The following SLC46A1 variants were observed in gnomAD, a reference collection of about 807,000 sequenced individuals.
SLC46A1 encodes the protein proton-coupled folate transporter.
SLC46A1 carries 17 observed loss-of-function variants against 32.1 expected under a neutral mutation model. That is an observed-to-expected ratio of 0.53 (90% CI 0.36 to 0.79). SLC46A1 has a LOEUF of 0.79. Among genes scored for constraint, SLC46A1 ranks in the 30% least tolerant of loss-of-function variants. The pLI is 0.00. For missense variants in SLC46A1, 517 were observed against 588.2 expected, an observed-to-expected ratio of 0.88 and a Z score of 1.25; for synonymous variants, 240 against 262.7, an observed-to-expected ratio of 0.91 and a Z score of 0.84.
Position 28,395,874 on chromosome 17 carries a change from G to T in SLC46A1, c.*3782C>A. ...ACAAGGGTCCCTAGATGGGTACAGG[G>T]GTATCTTCCTCCTTTCCTTTCTTTC... On this transcript the variant is annotated 3_prime_UTR_variant, in exon 5 of 5. Transcript: ENST00000612814. 1.9e-6 allele frequency: 3 copies of T among 1,611,826 alleles called. No homozygotes were observed. Among genetic ancestry groups the T allele is most frequent in the Non-Finnish European group, 2.5e-6 (3 of 1,179,792 alleles).
chr17:28,399,816 C>T, intron 4 of SLC46A1, 103 bp from the exon 5 acceptor site: 1 of 1,158,772 alleles, frequency 8.6e-7, no homozygotes, highest in Non-Finnish European at 1.3e-6. Flanking sequence ...GTCCAGGTAG[C>T]TCTCCTGAAC....
Position 28,404,787 on chromosome 17 carries a change from T to A in SLC46A1, c.910A>T (p.Ile304Phe). 1 of 1,613,856 alleles carries A rather than the reference T, an allele frequency of 6.2e-7. No homozygotes were observed. Among genetic ancestry groups the A allele is most frequent in the Non-Finnish European group, 8.5e-7 (1 of 1,179,854 alleles). ...TGCTGAGCTGCAGAACCATAGCCGA[T>A]TAGTTTGGAGTCCCAGCAGAGGGGT... ...STPLCWDSKL[I>F]GYGSAAQHLP... Residue 304 changes from isoleucine (I) to phenylalanine (F), a missense_variant, in exon 2 of 5, where the codon ATC becomes TTC. Coordinates refer to ENST00000612814, the MANE Select transcript of SLC46A1 (RefSeq NM_080669.6).
Position 28,395,702 on chromosome 17 carries a change from T to A in SLC46A1, c.*3954A>T. 1 of 571,066 alleles carries A rather than the reference T, an allele frequency of 1.8e-6. No homozygotes were observed. Among genetic ancestry groups the A allele is most frequent in the Non-Finnish European group, 3.1e-6 (1 of 322,308 alleles). 35.4% of individuals were successfully genotyped at this position (571,066 alleles called of 1,614,324 possible). On this transcript the variant is annotated 3_prime_UTR_variant, in exon 5 of 5. Transcript: ENST00000612814. ...AAGAGATTCCAAGGGTTTTAGCAGC[T>A]CTGTGCCAGGAACTCTGGGCAAAGG...
chr17:28,406,220 C>A, upstream of SLC46A1: 1 of 847,166 alleles, frequency 1.2e-6, no homozygotes, highest in Non-Finnish European at 1.6e-6. This position sits in a 1 kb window ranked among gnomAD's most constrained non-coding sequence, Gnocchi z 4.5. Context: ...TCTGCGCCTG[C>A]GCCCGGCGTC....
At position 28,405,239 on chromosome 17, in the gene SLC46A1, A is replaced by G; in HGVS notation, c.458T>C (p.Leu153Pro). ...YFVLGRILCA[L>P]LGDFGGLLAA... ...CAGAAGGCCACCGAAGTCGCCGAGGAGGGCACAAAGGATGCGACCCAGCAC... is the reference window on the plus strand; with the variant it reads ...CAGAAGGCCACCGAAGTCGCCGAGGGGGGCACAAAGGATGCGACCCAGCAC... The change falls in exon 2 of 5, where the codon CTC (leucine) becomes CCC (proline). Residue 153 changes from leucine to proline, a missense_variant. Leu to Pro is a moderately conservative substitution (Grantham distance 98). Coordinates refer to ENST00000612814, the MANE Select transcript of SLC46A1 (RefSeq NM_080669.6). 6.3e-7 allele frequency: 1 copy of G among 1,590,188 alleles called. No homozygotes were observed. The highest frequency in any genetic ancestry group is 8.6e-7 in the Non-Finnish European group (1 of 1,168,866).
At chr17:28,400,566 A>G (rs782259423) in intron 4 of SLC46A1, 44 bp downstream of exon 4, 2 of 1,607,672 alleles carry the variant, frequency 1.2e-6, no homozygotes, top group South Asian at 2.2e-5. Flanking sequence ...AACTTTTAAG[A>G]GAAAGGGCTC....
Position 28,404,820 on chromosome 17 carries a change from G to A in SLC46A1, c.877C>T (p.Leu293=), listed in dbSNP as rs376504291. Residue 293 remains leucine (L), a synonymous_variant, in exon 2 of 5, where the codon CTA becomes TTA. Coordinates refer to ENST00000612814, the MANE Select transcript of SLC46A1 (RefSeq NM_080669.6). ...GAGTCCCAGCAGAGGGGTGTGCTTA[G>A]TTCATAAAGGGTTAAGATGTCCTGG... is the stretch of plus-strand genomic sequence containing the variant. ...GAQDILTLYE[L]STPLCWDSKL... The A allele has an allele frequency of 9.9e-6, 16 of 1,614,008 alleles. No individual in the cohort carries two copies. Among genetic ancestry groups the A allele is most frequent in the Non-Finnish European group, 1.2e-5 (14 of 1,179,898 alleles).
chr17:28,395,659 C>CAA lies in SLC46A1; in HGVS notation c.*3995_*3996dup. 2.1e-6 allele frequency: 1 copy of CAA among 470,908 alleles called. No individual in the cohort carries two copies. The highest frequency in any genetic ancestry group is 3.9e-6 in the Non-Finnish European group (1 of 259,416). 29.2% of individuals were successfully genotyped at this position (470,908 alleles called of 1,614,324 possible). ...AGTGGGGAATCATCTCTTTAGCATA[C>CAA]AAAGACACTCATCACTCAAGAGATT... is the stretch of plus-strand genomic sequence containing the variant. On this transcript the variant is annotated 3_prime_UTR_variant, in exon 5 of 5. Transcript: ENST00000612814.
chr17:28,401,940 T>C (rs1425038418), intron 3 of SLC46A1: 1 of 232,738 alleles, frequency 4.3e-6, no homozygotes, highest in Non-Finnish European at 8.4e-6. Context: ...ACCACACCCA[T>C]CTTACAGACG....
At position 28,397,170 on chromosome 17, in the gene SLC46A1, A is replaced by G. The variant is rs537647948; in HGVS notation, c.*2486T>C. The G allele has an allele frequency of 6.5e-6, 1 of 152,936 alleles. No homozygotes were observed. Among genetic ancestry groups the G allele is most frequent in the East Asian group, 1.9e-4 (1 of 5,198 alleles). The allele number at this position is 152,936 out of a possible 1,614,324, so 9.5% of individuals were successfully genotyped here. A position where few individuals can be genotyped will look rare whatever the true frequency, so the allele number is the denominator to read the frequency against. ...GGGACCAGGCAGCCCCCATGGCAGTAAAAGCAGCCTAGACAGAACCTGCAG... is the reference window on the plus strand; with the variant it reads ...GGGACCAGGCAGCCCCCATGGCAGTGAAAGCAGCCTAGACAGAACCTGCAG... On this transcript the variant is annotated 3_prime_UTR_variant, in exon 5 of 5. Coordinates refer to ENST00000612814, the MANE Select transcript of SLC46A1 (RefSeq NM_080669.6).
At chr17:28,404,537 C>T in intron 2 of SLC46A1, 79 bp downstream of exon 2, 1 of 1,553,154 alleles carries the variant, frequency 6.4e-7, no homozygotes, top group East Asian at 2.3e-5. Flanking sequence ...TGAACCACAT[C>T]TGGGGGCAGT....
In SLC46A1 at chr17:28,399,538, G is replaced by C; in HGVS notation, c.*118C>G. ...CTCTTGACTACCTCGTCCAAAGAGA[G>C]CACTGCCCTTAGACAAGAGTTGCTT... is the stretch of plus-strand genomic sequence containing the variant. On this transcript the variant is annotated 3_prime_UTR_variant, in exon 5 of 5. Transcript: ENST00000612814. 9.9e-7 allele frequency: 1 copy of C among 1,011,190 alleles called. No individual in the cohort carries two copies. Among genetic ancestry groups the C allele is most frequent in the Non-Finnish European group, 1.5e-6 (1 of 659,112 alleles). 62.6% of individuals were successfully genotyped at this position (1,011,190 alleles called of 1,614,324 possible). A position where few individuals can be genotyped will look rare whatever the true frequency, so the allele number is the denominator to read the frequency against.
At chr17:28,402,384 G>T in intron 2 of SLC46A1, 63 bp from the exon 3 acceptor site, 1 of 1,408,798 alleles carries the variant, frequency 7.1e-7, no homozygotes, top group Non-Finnish European at 9.9e-7. Context: ...CAAGGGAAAG[G>T]CAGCAGAGCT....
chr17:28,397,959 T>G lies in SLC46A1; in HGVS notation c.*1697A>C, dbSNP rs2068151093. 6.6e-6 allele frequency: 1 copy of G among 152,596 alleles called. No individual in the cohort carries two copies. Among genetic ancestry groups the G allele is most frequent in the African/African-American group, 2.4e-5 (1 of 41,464 alleles). 9.5% of individuals were successfully genotyped at this position (152,596 alleles called of 1,614,324 possible). On this transcript the variant is annotated 3_prime_UTR_variant, in exon 5 of 5. Coordinates refer to ENST00000612814, the MANE Select transcript of SLC46A1 (RefSeq NM_080669.6). ...GTCTCACTCCAGGTTTGGGGCTCCT[T>G]CCTTCCACTCCCCTCCCTGCCAGAG...
chr17:28,405,735 G>A (rs2068252566), intron 1 of SLC46A1, 152 bp downstream of exon 1: 1 of 1,024,470 alleles, frequency 9.8e-7, no homozygotes, highest in Non-Finnish European at 1.4e-6. Flanking sequence ...GAGGTTCTCG[G>A]TCAGGCCCCT....
At chr17:28,399,819 T>G in intron 4 of SLC46A1, 106 bp from the exon 5 acceptor site, 2 of 1,058,390 alleles carry the variant, frequency 1.9e-6, no homozygotes, top group South Asian at 1.3e-5. Context: ...CAGGTAGCTC[T>G]CCTGAACCTC....
Position 28,406,107 on chromosome 17 carries a change from C to G in SLC46A1, c.8G>C (p.Gly3Ala). Residue 3 changes from glycine to alanine, a missense_variant, in exon 1 of 5, where the codon GGG becomes GCG. Transcript: ENST00000612814. The surrounding 1 kb of genome is among the most constrained non-coding windows in gnomAD (Gnocchi z 4.5). ...GGGCTTTTCCGGGGGGCTCGCGCTC[C>G]CCTCCATGTGCGTGCGCGGCGGAGC... ME[G>A]SASPPEKPRA... 6.5e-7 allele frequency: 1 copy of G among 1,548,752 alleles called. No individual in the cohort carries two copies. The highest frequency in any genetic ancestry group is 8.7e-7 in the Non-Finnish European group (1 of 1,149,530).
intron 3 of SLC46A1, chr17:28,401,048 A>G: frequency 4.8e-6 from 2 of 416,528 alleles, no homozygotes; most frequent in South Asian, 2.2e-5. Flanking sequence ...AAAAAAAAGT[A>G]CATGTGATAT....
intron 2 of SLC46A1, 39 bp downstream of exon 2, chr17:28,404,577 G>A (rs2068233009): frequency 6.2e-7 from 1 of 1,608,172 alleles, no homozygotes; most frequent in Non-Finnish European, 8.5e-7. Context: ...CTTACCCAGT[G>A]CCTCTGGGAC....
Sources: gnomAD v4.1 joint callset for allele counts on GRCh38, gnomAD v4.1.1 for gene constraint, Gnocchi (gnomAD v3.1) non-coding constraint, MANE v1.5 for transcripts, NCBI Gene and HGNC (gene_info 2026-07-23, HGNC 2026-07-21) for gene names.